FER1L5: variants seen among roughly 807,000 people sequenced by gnomAD.
FER1L5 encodes fer-1 like family member 5, also known as fer-1-like protein 5.
Under a neutral mutation model 279.9 loss-of-function variants are expected in FER1L5, and 187 were observed. The observed-to-expected ratio is 0.67, with a 90% CI of 0.59 to 0.75. The LOEUF is 0.75. Among genes scored for constraint, FER1L5 ranks in the 30% least tolerant of loss-of-function variants. The pLI, the probability that FER1L5 is intolerant of heterozygous loss-of-function variation, is 0.00. For synonymous variants in FER1L5, 921 were observed against 989.7 expected (o/e 0.93, Z 1.30); for missense variants, 2,091 against 2,594.4 (o/e 0.81, Z 4.21).
intron 31 of FER1L5, among the ~76,000 whole-genome samples, chr2:96,692,695 G>A (rs2077199482): frequency 1.3e-5 from 2 of 152,212 alleles, no homozygotes; most frequent in Non-Finnish European, 2.9e-5. Flanking sequence ...TTGGTCCTGT[G>A]AGGACGCCCC....
At chr2:96,681,366 G>C (rs2076718460) in intron 19 of FER1L5, among the ~76,000 whole-genome samples, 1 of 152,050 alleles carries the variant, frequency 6.6e-6, no homozygotes, top group Non-Finnish European at 1.5e-5. Context: ...ATAAAACAAA[G>C]TGGTCATAAA....
In FER1L5 at chr2:96,691,422, C is replaced by T. The variant is rs759164866; in HGVS notation, c.2908-23C>T. 3 of 1,535,592 alleles carry T rather than the reference C, an allele frequency of 2.0e-6. No individual in the cohort carries two copies. The highest frequency in any genetic ancestry group is 2.6e-6 in the Non-Finnish European group (3 of 1,137,636). On this transcript the variant is annotated intron_variant, in intron 28 of 52. Transcript: ENST00000624922. This position sits in a 1 kb window ranked among gnomAD's most constrained non-coding sequence, Gnocchi z 6.0. ...CGCCTTGGCTGCTGCAGGAACACAA[C>T]CCTGCTCTCCTCCCCACCACAGGGC...
intron 8 of FER1L5, 36 bp downstream of exon 8, chr2:96,653,738 T>C: frequency 6.7e-7 from 1 of 1,498,828 alleles, no homozygotes; most frequent in Non-Finnish European, 9.1e-7. Flanking sequence ...AAGGTGGGTT[T>C]CTTGTCCCAC....
At chr2:96,699,891 G>A (rs372486567) in intron 43 of FER1L5, 41 bp from the exon 44 acceptor site, 53 of 1,608,564 alleles carry the variant, frequency 3.3e-5, no homozygotes, top group Non-Finnish European at 7.6e-6. Context: ...TGTTCTTCAG[G>A]ACCCAAACCT....
chr2:96,659,351 TTCCTTCC>T (rs1558853417), intron 9 of FER1L5, among the ~76,000 whole-genome samples: 4 of 78,926 alleles, frequency 5.1e-5, no homozygotes, highest in Admixed American at 1.8e-4. Context: ...CCTTCCTTCC[TTCCTTCC>T]TTCCTTCTTT....
At chr2:96,654,100 T>G (rs2075496454) in intron 8 of FER1L5, 1 of 275,584 alleles carries the variant, frequency 3.6e-6, no homozygotes, top group Admixed American at 5.3e-5. Flanking sequence ...AAGAGGCCTC[T>G]TCCTTTGAAG....
chr2:96,698,239 TA>T lies in FER1L5; in HGVS notation c.4356+84del. On this transcript the variant is annotated intron_variant, in intron 40 of 52. Coordinates refer to ENST00000624922, the MANE Select transcript of FER1L5 (RefSeq NM_001293083.2). This position sits in a 1 kb window ranked among gnomAD's most constrained non-coding sequence, Gnocchi z 5.5. ...AAAACGAATAAAAGCCCTGGCTCTA[TA>T]TGCTCATTGTGAAGATGGAGCAGGG... 4.1e-6 allele frequency: 6 copies of T among 1,480,822 alleles called. No individual in the cohort carries two copies. The highest frequency in any genetic ancestry group is 5.4e-6 in the Non-Finnish European group (6 of 1,108,242). 91.7% of individuals were successfully genotyped at this position (1,480,822 alleles called of 1,614,324 possible). A position where few individuals can be genotyped will look rare whatever the true frequency, so the allele number is the denominator to read the frequency against.
chr2:96,670,272 A>G, intron 18 of FER1L5, 25 bp downstream of exon 18: 1 of 1,550,020 alleles, frequency 6.5e-7, no homozygotes, highest in Non-Finnish European at 8.7e-7. Context: ...CAGGTAACCC[A>G]GGGAAAAACA....
rs747421741 is a variant in FER1L5 at position 96,702,377 on chromosome 2, AGACGAGC to A, written c.5235_5241del (p.Asp1747ThrfsTer23). The stretch of plus-strand genomic sequence containing the variant: ...GTGGATGACAATTTAAGTAGAGAGA[AGACGAGC>A]GACATCTACATCAAAGGGTAGGGAA... On this transcript the variant is annotated frameshift_variant, in exon 47 of 53. Coordinates refer to ENST00000624922, the MANE Select transcript of FER1L5 (RefSeq NM_001293083.2). LOFTEE classifies it high-confidence loss of function. This position sits in a 1 kb window ranked among gnomAD's most constrained non-coding sequence, Gnocchi z 4.0. 8.1e-6 allele frequency: 13 copies of A among 1,612,708 alleles called. No homozygotes were observed. In the South Asian group the frequency reaches 1.4e-4, roughly 18 times the overall value.
In FER1L5 at chr2:96,670,793, T is replaced by TA. The variant is rs1445348453; in HGVS notation, c.1491+552dup. On this transcript the variant is annotated intron_variant, in intron 18 of 52. Coordinates refer to ENST00000624922, the MANE Select transcript of FER1L5 (RefSeq NM_001293083.2). ...AAAGCAAGACTCCGTCTGAAAAAAATAAAAAATAAAAAATAAAATGCCTAA... is the reference window on the plus strand; with the variant it reads ...AAAGCAAGACTCCGTCTGAAAAAAATAAAAAAATAAAAAATAAAATGCCTAA... Among the ~76,000 whole-genome samples the TA allele has an allele frequency of 5.0e-5, 7 of 139,814 alleles. No individual in the cohort carries two copies. In the Admixed American group the frequency reaches 5.1e-4, roughly 10 times the overall value. 91.7% of individuals were successfully genotyped at this position (139,814 alleles called of 152,430 possible).
At chr2:96,703,399 C>A in intron 50 of FER1L5, 53 bp downstream of exon 50, 1 of 1,596,232 alleles carries the variant, frequency 6.3e-7, no homozygotes. Flanking sequence ...CATGTCCTGG[C>A]TCTAACAGAC....
chr2:96,648,505 A>G (rs1174741898), intron 4 of FER1L5, among the ~76,000 whole-genome samples: 1 of 152,168 alleles, frequency 6.6e-6, no homozygotes, highest in African/African-American at 2.4e-5. Context: ...CTCCCATGTG[A>G]TTGGTTAGAG....
chr2:96,684,698 G>A (rs2076854872), intron 20 of FER1L5, among the ~76,000 whole-genome samples: 1 of 152,216 alleles, frequency 6.6e-6, no homozygotes, highest in Admixed American at 6.5e-5. Flanking sequence ...AGTGCAACTA[G>A]GGCTATGATG....
rs780125732 is a variant in FER1L5 at position 96,702,594 on chromosome 2, C to T, written c.5256-6C>T. 1.9e-6 allele frequency: 3 copies of T among 1,564,006 alleles called. No homozygotes were observed. In the East Asian group the frequency reaches 7.2e-5, roughly 37 times the overall value. On this transcript the variant is annotated splice_region_variant and splice_polypyrimidine_tract_variant and intron_variant, in intron 47 of 52. Coordinates refer to ENST00000624922, the MANE Select transcript of FER1L5 (RefSeq NM_001293083.2). The surrounding 1 kb of genome is among the most constrained non-coding windows in gnomAD (Gnocchi z 4.0). Reference sequence around the variant, plus strand: ...TGAGCCACAGGTGATAGGACTCTGGCCCCAGGTGGTTATACGGGCTGGAGA... The same window carrying T: ...TGAGCCACAGGTGATAGGACTCTGGTCCCAGGTGGTTATACGGGCTGGAGA...
At chr2:96,682,331 A>G (rs1270558411) in intron 19 of FER1L5, among the ~76,000 whole-genome samples, 2 of 152,116 alleles carry the variant, frequency 1.3e-5, no homozygotes, top group Non-Finnish European at 2.9e-5. Context: ...ACCTCAGGTG[A>G]TCCTCCCGCC....
At chr2:96,680,416 A>G (rs1421271192) in intron 19 of FER1L5, among the ~76,000 whole-genome samples, 1 of 151,090 alleles carries the variant, frequency 6.6e-6, no homozygotes, top group Admixed American at 6.6e-5. Flanking sequence ...TCCGGAACTC[A>G]CTCTGTCCTC....
intron 44 of FER1L5, 103 bp downstream of exon 44, chr2:96,700,183 CAAGGA>C: frequency 6.4e-7 from 1 of 1,556,876 alleles, no homozygotes; most frequent in Non-Finnish European, 8.7e-7. Flanking sequence ...AAGGGGAGGA[CAAGGA>C]AAGAGCTCCC....
In FER1L5 at chr2:96,698,905, ACTG is replaced by A. The variant is rs1306314741; in HGVS notation, c.4518+77_4518+79del. ...AACCCATCTCTGGGAGCCCCCTCCGACTGCTGACACACAGAATGCCAACTCCCC... is the reference window on the plus strand; with the variant it reads ...AACCCATCTCTGGGAGCCCCCTCCGACTGACACACAGAATGCCAACTCCCC... On this transcript the variant is annotated intron_variant, in intron 41 of 52. Transcript: ENST00000624922. This position sits in a 1 kb window ranked among gnomAD's most constrained non-coding sequence, Gnocchi z 5.5. 3 of 1,536,192 alleles carry A rather than the reference ACTG, an allele frequency of 2.0e-6. No homozygotes were observed. The highest frequency in any genetic ancestry group is 1.4e-5 in the African/African-American group (1 of 72,622).
chr2:96,650,302 C>T lies in FER1L5; in HGVS notation c.504+13C>T. 6.5e-7 allele frequency: 1 copy of T among 1,548,956 alleles called. No homozygotes were observed. The highest frequency in any genetic ancestry group is 8.7e-7 in the Non-Finnish European group (1 of 1,144,562). On this transcript the variant is annotated intron_variant, in intron 6 of 52. Coordinates refer to ENST00000624922, the MANE Select transcript of FER1L5 (RefSeq NM_001293083.2). The stretch of plus-strand genomic sequence containing the variant: ...TCAGCACTTTCAGGTGAGGACCTTC[C>T]AGGTTGCAAGTTCATGGGACTCACC...
Sources: allele counts gnomAD v4.1 joint callset (sites outside exome capture counted in the v4.1 genomes callset), GRCh38; gene constraint gnomAD v4.1.1; non-coding constraint Gnocchi (gnomAD v3.1); transcripts MANE v1.5; gene names NCBI Gene and HGNC (gene_info 2026-07-23, HGNC 2026-07-21).